FRAS1: variants seen among roughly 807,000 people sequenced by gnomAD.
FRAS1 encodes extracellular matrix organizing protein FRAS1.
FRAS1 carries 290 observed loss-of-function variants against 435.2 expected under a neutral mutation model. That is an observed-to-expected ratio of 0.67 (90% CI 0.61 to 0.73). The LOEUF (loss-of-function observed/expected upper bound fraction) is 0.73, where lower values mean the gene tolerates loss of function less well. Ranked by LOEUF, FRAS1 falls within the 30% of genes least tolerant of loss-of-function variation. The probability of loss-of-function intolerance (pLI) is 0.00; values close to 1 mark genes in which losing one functional copy is unlikely to be tolerated. For missense variants in FRAS1, 4,860 were observed against 5,001.5 expected, an observed-to-expected ratio of 0.97 and a Z score of 0.85; for synonymous variants, 1,800 against 1,851.0, an observed-to-expected ratio of 0.97 and a Z score of 0.71.
At chr4:78,437,888 A>C (rs1462106346) in intron 38 of FRAS1, among the ~76,000 whole-genome samples, 1 of 152,170 alleles carries the variant, frequency 6.6e-6, no homozygotes, top group African/African-American at 2.4e-5. Flanking sequence ...TGAAACAGAG[A>C]AAGTCATTTT....
intron 65 of FRAS1, among the ~76,000 whole-genome samples, chr4:78,514,722 A>G (rs1021064242): frequency 1.3e-5 from 2 of 152,172 alleles, no homozygotes; most frequent in Admixed American, 1.3e-4. Flanking sequence ...CAAGCATTCT[A>G]AGATATTTAT....
rs1386518203 is a variant in FRAS1, at chr4:78,105,941, G to A, written c.108+39925G>A. ...CAAGGCATTGCCCCACTTGGGAAGC[G>A]CAAGGGGTCAGGGAGTTCCCTTTCC... On this transcript the variant is annotated intron_variant, in intron 2 of 73. Coordinates refer to ENST00000512123, the MANE Select transcript of FRAS1 (RefSeq NM_025074.7). Among the ~76,000 whole-genome samples the A allele has an allele frequency of 1.9e-4, 26 of 135,712 alleles. 2 individuals are homozygous for A. The highest frequency in any genetic ancestry group is 1.4e-3 in the Admixed American group (18 of 13,110). 89.0% of individuals were successfully genotyped at this position (135,712 alleles called of 152,430 possible).
chr4:78,124,214 G>T (rs1719205462), intron 2 of FRAS1, among the ~76,000 whole-genome samples: 1 of 152,150 alleles, frequency 6.6e-6, no homozygotes, highest in African/African-American at 2.4e-5. Flanking sequence ...GGCCTTTTCT[G>T]CATCTATTGA....
intron 2 of FRAS1, among the ~76,000 whole-genome samples, chr4:78,112,093 C>T (rs1242910927): frequency 1.3e-5 from 2 of 151,926 alleles, no homozygotes; most frequent in Non-Finnish European, 2.9e-5. Flanking sequence ...AATGTGTTGC[C>T]CTTTTTTTCT....
intron 15 of FRAS1, among the ~76,000 whole-genome samples, chr4:78,314,341 G>A (rs345521): frequency 0.065 from 9,840 of 152,066 alleles, 1,039 homozygotes; most frequent in African/African-American, 0.22. Flanking sequence ...TACTCTGTGA[G>A]CGACATCACT....
At chr4:78,470,137 A>G (rs1399698730) in intron 51 of FRAS1, 46 bp downstream of exon 51, 1 of 1,249,994 alleles carries the variant, frequency 8.0e-7, no homozygotes, top group Non-Finnish European at 1.2e-6. Context: ...AACTTGGGCT[A>G]CATCCTTCTT....
In FRAS1 at chr4:78,519,412, T is replaced by C. The variant is rs1721315001; in HGVS notation, c.10471T>C (p.Trp3491Arg). The change falls in exon 67 of 74, where the codon TGG becomes CGG. Residue 3491 changes from tryptophan (W) to arginine (R), a missense_variant. Physicochemically the swap from Trp to Arg is moderately radical, Grantham distance 101. Coordinates refer to ENST00000512123, the MANE Select transcript of FRAS1 (RefSeq NM_025074.7). ...SYIYVTAPRGWASLEHHTEME... is the reference protein window; with the variant it reads ...SYIYVTAPRGRASLEHHTEME... ...CATCTATGTGACAGCCCCCAGGGGC[T>C]GGGCCTCCTTGGAGCACCACACCGA... The C allele has an allele frequency of 6.2e-7, 1 of 1,611,918 alleles. No homozygotes were observed. The highest frequency in any genetic ancestry group is 2.2e-5 in the East Asian group (1 of 44,798).
At chr4:78,512,889 T>C (rs1721082903) in intron 64 of FRAS1, among the ~76,000 whole-genome samples, 1 of 152,198 alleles carries the variant, frequency 6.6e-6, no homozygotes, top group Non-Finnish European at 1.5e-5. Flanking sequence ...CTGGATATTG[T>C]AGTTTCTCAG....
intron 24 of FRAS1, among the ~76,000 whole-genome samples, chr4:78,373,532 G>T (rs556322349): frequency 1.3e-5 from 2 of 150,938 alleles, no homozygotes; most frequent in Non-Finnish European, 1.5e-5. Context: ...AATCCCAACA[G>T]TTTGGGAGGC....
intron 1 of FRAS1, among the ~76,000 whole-genome samples, chr4:78,058,933 G>A (rs1021503519): frequency 6.6e-6 from 1 of 152,240 alleles, no homozygotes; most frequent in Non-Finnish European, 1.5e-5. Context: ...CCTGCTCCGA[G>A]GAGCCAGGGA....
chr4:78,411,107 G>GT (rs1553956735), intron 31 of FRAS1, among the ~76,000 whole-genome samples: 1 of 127,550 alleles, frequency 7.8e-6, no homozygotes, highest in Admixed American at 8.2e-5. Flanking sequence ...GAGTTGCATG[G>GT]ATTTTTTTTC....
At chr4:78,319,198 C>A (rs1729400272) in intron 18 of FRAS1, among the ~76,000 whole-genome samples, 1 of 152,206 alleles carries the variant, frequency 6.6e-6, no homozygotes, top group Non-Finnish European at 1.5e-5. Flanking sequence ...AAGAGCTAAT[C>A]CCTTCCACTC....
chr4:78,209,766 G>A (rs1053779302), intron 2 of FRAS1, among the ~76,000 whole-genome samples: 3 of 152,164 alleles, frequency 2.0e-5, no homozygotes, highest in African/African-American at 4.8e-5. Flanking sequence ...GGATCATATT[G>A]AAACTGACCT....
intron 47 of FRAS1, among the ~76,000 whole-genome samples, chr4:78,458,528 A>C (rs1032042283): frequency 4.6e-5 from 7 of 152,160 alleles, no homozygotes; most frequent in Non-Finnish European, 8.8e-5. Context: ...TTGGACATAG[A>C]GATGGGAACC....
chr4:78,537,261 A>G (rs2109908338), intron 72 of FRAS1, 61 bp downstream of exon 72: 17 of 1,469,196 alleles, frequency 1.2e-5, no homozygotes, highest in Non-Finnish European at 1.6e-5. Flanking sequence ...TTCCTCAGCT[A>G]TGACTTCTGC....
chr4:78,344,734 T>A (rs1355684247), intron 20 of FRAS1, among the ~76,000 whole-genome samples: 1 of 152,212 alleles, frequency 6.6e-6, no homozygotes, highest in Non-Finnish European at 1.5e-5. Flanking sequence ...TTTTAAATGC[T>A]AAGGAAGCTG....
intron 2 of FRAS1, among the ~76,000 whole-genome samples, chr4:78,102,926 G>T (rs73829457): frequency 6.6e-6 from 1 of 152,222 alleles, no homozygotes; most frequent in African/African-American, 2.4e-5. Context: ...AATGGCATGG[G>T]GTGTATATGG....
At chr4:78,363,338 C>A (rs1203093196) in intron 20 of FRAS1, among the ~76,000 whole-genome samples, 175 bp from the exon 21 acceptor site, 1 of 152,208 alleles carries the variant, frequency 6.6e-6, no homozygotes, top group Non-Finnish European at 1.5e-5. Flanking sequence ...ACCTCAAACA[C>A]ACAATTTGTA....
intron 54 of FRAS1, among the ~76,000 whole-genome samples, chr4:78,476,825 T>G (rs1168373953): frequency 6.6e-6 from 1 of 152,126 alleles, no homozygotes; most frequent in Non-Finnish European, 1.5e-5. Context: ...TTGAGTAAAA[T>G]TTTTGCAGAT....
Sources: gnomAD v4.1 joint callset for allele counts (sites outside exome capture counted in the v4.1 genomes callset) on GRCh38, gnomAD v4.1.1 for gene constraint, MANE v1.5 for transcripts, NCBI Gene and HGNC (gene_info 2026-07-23, HGNC 2026-07-21) for gene names.